The following STK38L variants were observed in gnomAD, a reference collection of about 807,000 sequenced individuals.
STK38L encodes serine/threonine-protein kinase 38-like.
A neutral mutation model predicts 59.7 loss-of-function variants in STK38L; 28 were observed. The ratio of observed to expected loss-of-function variants is 0.47; its 90% CI spans 0.35 to 0.64. STK38L has a LOEUF of 0.64. STK38L is among the 30% of genes least tolerant of loss of function. The pLI, the probability that STK38L is intolerant of heterozygous loss-of-function variation, is 0.01. For missense variants in STK38L, 314 were observed against 555.8 expected, an observed-to-expected ratio of 0.56 and a Z score of 4.37; for synonymous variants, 162 against 176.8, an observed-to-expected ratio of 0.92 and a Z score of 0.66.
intron 5 of STK38L, among the ~76,000 whole-genome samples, chr12:27,311,996 C>T (rs1944466003): frequency 6.6e-6 from 1 of 152,082 alleles, no homozygotes; most frequent in South Asian, 2.1e-4. Flanking sequence ...TCTCCTGCCT[C>T]AGCCTCCTGA....
chr12:27,312,275 T>C lies in STK38L; in HGVS notation c.394-274T>C, dbSNP rs143848882. Reference sequence around the variant, plus strand: ...CTGGGTAGAGATTCTGGTTAAAAAGTTGTTAGACTGATTCTTGCTCTACCT... The same window carrying C: ...CTGGGTAGAGATTCTGGTTAAAAAGCTGTTAGACTGATTCTTGCTCTACCT... On this transcript the variant is annotated intron_variant, in intron 5 of 13. Coordinates refer to ENST00000389032, the MANE Select transcript of STK38L (RefSeq NM_015000.4). Among the ~76,000 whole-genome samples, 63 of 152,340 alleles carry C rather than the reference T, an allele frequency of 4.1e-4. 2 individuals carry two copies. In the East Asian group the frequency reaches 6.9e-3, roughly 17 times the overall value.
intron 5 of STK38L, among the ~76,000 whole-genome samples, chr12:27,311,547 C>A (rs949896553): frequency 3.9e-5 from 6 of 152,140 alleles, no homozygotes; most frequent in African/African-American, 1.2e-4. Context: ...AAAGCATCTG[C>A]AAACTGACCA....
At chr12:27,312,706 TACAAGC>T in intron 6 of STK38L, 34 bp downstream of exon 6, 1 of 1,606,136 alleles carries the variant, frequency 6.2e-7, no homozygotes, top group Non-Finnish European at 8.5e-7. Flanking sequence ...GACAGACTGA[TACAAGC>T]ACATCTTTAT....
intron 9 of STK38L, 122 bp downstream of exon 9, chr12:27,315,472 C>A: frequency 1.4e-6 from 1 of 740,038 alleles, no homozygotes; most frequent in Non-Finnish European, 2.1e-6. Context: ...GTAGCGCTTG[C>A]TCTGGGATCA....
chr12:27,302,220 A>C lies in STK38L; in HGVS notation c.186+32A>C, dbSNP rs758955755. The C allele has an allele frequency of 2.6e-6, 4 of 1,516,706 alleles. No individual in the cohort carries two copies. The South Asian group carries it at 5.1e-5, about 19-fold the overall frequency. 94.0% of individuals were successfully genotyped at this position (1,516,706 alleles called of 1,614,324 possible). A position where few individuals can be genotyped will look rare whatever the true frequency, so the allele number is the denominator to read the frequency against. ...TAATTACCTATAATTACTGTACAAA[A>C]GCACCCCCAGTGACTTTTCATTCAT... is the stretch of plus-strand genomic sequence containing the variant. On this transcript the variant is annotated intron_variant, in intron 3 of 13. Coordinates refer to ENST00000389032, the MANE Select transcript of STK38L (RefSeq NM_015000.4).
intron 12 of STK38L, among the ~76,000 whole-genome samples, chr12:27,320,386 C>T (rs1468800241): frequency 1.3e-5 from 2 of 151,874 alleles, no homozygotes; most frequent in Non-Finnish European, 2.9e-5. Flanking sequence ...CCCACCTCAT[C>T]CCCGCAAGTA....
At chr12:27,275,481 G>T (rs1437783063) in intron 1 of STK38L, among the ~76,000 whole-genome samples, 1 of 151,934 alleles carries the variant, frequency 6.6e-6, no homozygotes, top group African/African-American at 2.4e-5. Context: ...GGGATTACAG[G>T]CACCTGCCAC....
chr12:27,285,863 T>C lies in STK38L; in HGVS notation c.-11-11847T>C, dbSNP rs115477454. On this transcript the variant is annotated intron_variant, in intron 1 of 13. Transcript: ENST00000389032. ...GAAGGAGTATTTCCTTTATCTTAAA[T>C]AAGACTTGAAGATAATTTAGCTAAG... 2.2e-3 allele frequency among the ~76,000 whole-genome samples: 330 copies of C among 152,362 alleles called. 1 individual carries two copies. Among genetic ancestry groups the C allele is most frequent in the African/African-American group, 7.3e-3 (304 of 41,592 alleles).
intron 10 of STK38L, 115 bp from the exon 11 acceptor site, chr12:27,317,781 T>A: frequency 7.7e-7 from 1 of 1,298,700 alleles, no homozygotes; most frequent in Non-Finnish European, 1.1e-6. Flanking sequence ...GTGGCATTTT[T>A]GACTGTTAAA....
At chr12:27,280,258 A>G (rs976453257) in intron 1 of STK38L, among the ~76,000 whole-genome samples, 1 of 152,192 alleles carries the variant, frequency 6.6e-6, no homozygotes, top group Non-Finnish European at 1.5e-5. Flanking sequence ...TCCCTTAGCA[A>G]AATAAGAACT....
chr12:27,310,546 G>C lies in STK38L; in HGVS notation c.393+1349G>C, dbSNP rs12299617. Among the ~76,000 whole-genome samples the C allele has an allele frequency of 9.9e-5, 15 of 151,838 alleles. No individual in the cohort carries two copies. The East Asian group carries it at 1.9e-3, about 20-fold the overall frequency. On this transcript the variant is annotated intron_variant, in intron 5 of 13. Coordinates refer to ENST00000389032, the MANE Select transcript of STK38L (RefSeq NM_015000.4). The stretch of plus-strand genomic sequence containing the variant: ...CAAATTGGGATATCCAGCAAATAAG[G>C]CTTGGTGCAAAAATAAATAAATAAA...
intron 3 of STK38L, among the ~76,000 whole-genome samples, chr12:27,304,259 A>C (rs1477149556): frequency 1.4e-5 from 1 of 73,150 alleles, no homozygotes; most frequent in African/African-American, 6.1e-5. Flanking sequence ...AGTCTGTCTC[A>C]AAAAAAAAAA....
chr12:27,318,082 C>T (rs900331641), intron 11 of STK38L, 63 bp downstream of exon 11: 57 of 1,589,420 alleles, frequency 3.6e-5, no homozygotes, highest in Non-Finnish European at 4.7e-5. Context: ...ACCTAAAAGA[C>T]TCATTTCACT....
intron 1 of STK38L, among the ~76,000 whole-genome samples, chr12:27,289,313 T>A (rs1440874055): frequency 7.0e-6 from 1 of 142,956 alleles, no homozygotes; most frequent in Non-Finnish European, 1.6e-5. Flanking sequence ...CTTAATTGTT[T>A]GCATTTGGTT....
At chr12:27,293,001 CTATG>C (rs1231285233) in intron 1 of STK38L, among the ~76,000 whole-genome samples, 4 of 152,096 alleles carry the variant, frequency 2.6e-5, no homozygotes, top group Non-Finnish European at 4.4e-5. Context: ...AGTCCAGTGG[CTATG>C]CATAGGCGCC....
chr12:27,325,933 A>G lies in STK38L; in HGVS notation c.*3478A>G, dbSNP rs533714630. ...AGGACAAAATTTCATTGAAGGTAAGATAAGAATAAAAACTATGTTTACAAA... is the reference window on the plus strand; with the variant it reads ...AGGACAAAATTTCATTGAAGGTAAGGTAAGAATAAAAACTATGTTTACAAA... On this transcript the variant is annotated 3_prime_UTR_variant, in exon 14 of 14. Coordinates refer to ENST00000389032, the MANE Select transcript of STK38L (RefSeq NM_015000.4). The G allele has an allele frequency of 5.9e-5, 9 of 152,336 alleles. No homozygotes were observed. The highest frequency in any genetic ancestry group is 5.9e-4 in the Admixed American group (9 of 15,304). The allele number at this position is 152,336 out of a possible 1,614,324, so 9.4% of individuals were successfully genotyped here. A position where few individuals can be genotyped will look rare whatever the true frequency, so the allele number is the denominator to read the frequency against.
intron 1 of STK38L, among the ~76,000 whole-genome samples, chr12:27,290,658 A>G (rs1943876766): frequency 6.6e-6 from 1 of 152,212 alleles, no homozygotes; most frequent in Non-Finnish European, 1.5e-5. Flanking sequence ...TGTGCTGTAA[A>G]GGAAGCAGGT....
chr12:27,301,415 T>C (rs1466103021), intron 2 of STK38L, among the ~76,000 whole-genome samples: 2 of 152,162 alleles, frequency 1.3e-5, no homozygotes, highest in Non-Finnish European at 2.9e-5. Context: ...CCAGCCACCA[T>C]GCTCGGCTAA....
At chr12:27,314,748 T>TA in intron 7 of STK38L, 90 bp downstream of exon 7, 1 of 1,378,320 alleles carries the variant, frequency 7.3e-7, no homozygotes, top group Non-Finnish European at 9.8e-7. Flanking sequence ...GCAACTGCAA[T>TA]TTAGAATATT....
Sources: allele counts gnomAD v4.1 joint callset (sites outside exome capture counted in the v4.1 genomes callset), GRCh38; gene constraint gnomAD v4.1.1; transcripts MANE v1.5; gene names NCBI Gene and HGNC (gene_info 2026-07-23, HGNC 2026-07-21).